CCBE1: variants seen among roughly 807,000 people sequenced by gnomAD.
CCBE1 encodes the protein collagen and calcium-binding EGF domain-containing protein 1.
A neutral mutation model predicts 50.0 loss-of-function variants in CCBE1; 37 were observed. The ratio of observed to expected loss-of-function variants is 0.74; its 90% CI spans 0.57 to 0.97. The LOEUF is 0.97. Ranked by LOEUF, CCBE1 falls within the 50% of genes least tolerant of loss-of-function variation. The pLI is 0.00. For synonymous variants in CCBE1, 234 were observed against 203.7 expected (o/e 1.15, Z -1.27); for missense variants, 538 against 523.8 (o/e 1.03, Z -0.26).
intron 2 of CCBE1, among the ~76,000 whole-genome samples, chr18:59,670,641 C>T (rs1468202113): frequency 6.6e-6 from 1 of 152,164 alleles, no homozygotes; most frequent in Non-Finnish European, 1.5e-5. Context: ...CCAAGGAATC[C>T]ATTATCCTAA....
intron 2 of CCBE1, among the ~76,000 whole-genome samples, chr18:59,625,654 T>C (rs569998846): frequency 6.6e-6 from 1 of 152,268 alleles, no homozygotes; most frequent in African/African-American, 2.4e-5. Flanking sequence ...AACCAGCTGC[T>C]GGGACAGAGA....
At chr18:59,558,057 A>AT (rs2052680130) in intron 2 of CCBE1, among the ~76,000 whole-genome samples, 1 of 152,168 alleles carries the variant, frequency 6.6e-6, no homozygotes, top group East Asian at 1.9e-4. Flanking sequence ...ACTGCTTTCT[A>AT]TTTGGTGACT....
chr18:59,656,123 CATG>C (rs1267005972), intron 2 of CCBE1, among the ~76,000 whole-genome samples: 7 of 152,168 alleles, frequency 4.6e-5, no homozygotes, highest in Admixed American at 4.6e-4. Flanking sequence ...GCAAAAGCCT[CATG>C]ATTACTCCCA....
chr18:59,675,251 C>A (rs981315618), intron 2 of CCBE1, among the ~76,000 whole-genome samples: 4 of 152,162 alleles, frequency 2.6e-5, no homozygotes, highest in African/African-American at 9.7e-5. Flanking sequence ...GTGCATTATG[C>A]CCAGTTTGTA....
At chr18:59,681,079 G>A (rs1388115807) in intron 2 of CCBE1, among the ~76,000 whole-genome samples, 1 of 151,434 alleles carries the variant, frequency 6.6e-6, no homozygotes, top group Non-Finnish European at 1.5e-5. Flanking sequence ...AAAGCTGTTT[G>A]GTATCTTTTT....
chr18:59,685,730 G>T (rs116444364), intron 2 of CCBE1: 1 of 152,170 alleles, frequency 6.6e-6, no homozygotes, highest in South Asian at 2.1e-4. Flanking sequence ...ATTTCTATGC[G>T]CAGTCAAGGC....
intron 4 of CCBE1, 112 bp from the exon 5 acceptor site, chr18:59,467,003 G>A (rs140129733): frequency 1.4e-5 from 13 of 944,586 alleles, no homozygotes; most frequent in East Asian, 1.2e-4. Context: ...CACTTGGGCC[G>A]ACCTTGATCA....
At position 59,589,090 on chromosome 18, in the gene CCBE1, C is replaced by A. The variant is rs528928478; in HGVS notation, c.212+107539G>T. 3.0e-4 allele frequency among the ~76,000 whole-genome samples: 46 copies of A among 152,308 alleles called. 1 individual carries two copies. Among genetic ancestry groups the A allele is most frequent in the African/African-American group, 1.0e-3 (43 of 41,582 alleles). ...CGCATTAAAGCACAGCCATGCCCTT[C>A]CAGGAAGGTCTGGAACTCAACCCTT... On this transcript the variant is annotated intron_variant, in intron 2 of 10. Coordinates refer to ENST00000439986, the MANE Select transcript of CCBE1 (RefSeq NM_133459.4).
intron 2 of CCBE1, among the ~76,000 whole-genome samples, chr18:59,633,681 C>T (rs781442107): frequency 5.3e-5 from 8 of 151,268 alleles, no homozygotes; most frequent in South Asian, 2.1e-4. Flanking sequence ...GCCAACAGAA[C>T]GAAGCCAATC....
rs539980955 is a variant in CCBE1 at position 59,506,144 on chromosome 18, A to G, written c.213-25906T>C. On this transcript the variant is annotated intron_variant, in intron 2 of 10. Transcript: ENST00000439986. ...TTAGGATGGACCCTAAATCAATAAC[A>G]GTGTCTTTGTGAGAGACAAAGAAAG... 7.2e-5 allele frequency among the ~76,000 whole-genome samples: 11 copies of G among 152,368 alleles called. No homozygotes were observed. In the South Asian group the frequency reaches 2.3e-3, roughly 32 times the overall value.
intron 2 of CCBE1, among the ~76,000 whole-genome samples, chr18:59,544,893 A>G (rs1915621847): frequency 6.6e-6 from 1 of 152,234 alleles, no homozygotes; most frequent in African/African-American, 2.4e-5. Context: ...CATTTAGCAC[A>G]ATATCAGGTA....
intron 2 of CCBE1, among the ~76,000 whole-genome samples, chr18:59,550,998 C>CAAAA (rs555160847): frequency 2.4e-3 from 168 of 71,368 alleles, no homozygotes; most frequent in Non-Finnish European, 2.6e-3. Context: ...CAGCGAGACT[C>CAAAA]AAAAAAAAAA....
intron 7 of CCBE1, among the ~76,000 whole-genome samples, chr18:59,446,565 T>C (rs79597422): frequency 6.6e-6 from 1 of 151,862 alleles, no homozygotes; most frequent in African/African-American, 2.4e-5. Flanking sequence ...CAGGCTTGTG[T>C]TTGAAGAGTT....
Position 59,615,282 on chromosome 18 carries a change from C to A in CCBE1, c.212+81347G>T, listed in dbSNP as rs570013699. ...CATCTCTAGGGTCATCTCTTAGGAT[C>A]TGCAAGGCTGTTCAAAGCTTTACTT... is the stretch of plus-strand genomic sequence containing the variant. On this transcript the variant is annotated intron_variant, in intron 2 of 10. Transcript: ENST00000439986. Among the ~76,000 whole-genome samples the A allele has an allele frequency of 1.1e-4, 16 of 152,356 alleles. No individual in the cohort carries two copies. In the South Asian group the frequency reaches 3.1e-3, roughly 30 times the overall value.
At chr18:59,463,141 A>AC (rs902089076) in intron 5 of CCBE1, among the ~76,000 whole-genome samples, 3 of 152,214 alleles carry the variant, frequency 2.0e-5, no homozygotes, top group Non-Finnish European at 4.4e-5. Flanking sequence ...TTAGCAAGAG[A>AC]CTGCTAATTT....
chr18:59,454,062 T>G (rs1216917900), intron 6 of CCBE1, among the ~76,000 whole-genome samples: 2 of 152,200 alleles, frequency 1.3e-5, no homozygotes, highest in Non-Finnish European at 2.9e-5. Flanking sequence ...GGGCATAGAC[T>G]ATAATTTTCA....
chr18:59,643,758 G>A (rs570075646), intron 2 of CCBE1, among the ~76,000 whole-genome samples: 51 of 144,444 alleles, frequency 3.5e-4, no homozygotes, highest in African/African-American at 1.3e-3. Context: ...AGGGGTAGAC[G>A]TTGCAATGAG....
chr18:59,515,754 G>A (rs1914341902), intron 2 of CCBE1, among the ~76,000 whole-genome samples: 1 of 152,158 alleles, frequency 6.6e-6, no homozygotes, highest in Non-Finnish European at 1.5e-5. Context: ...TGAGGTGTCA[G>A]GCTACCTTGG....
Position 59,435,894 on chromosome 18 carries a change from G to A in CCBE1, c.*14C>T, listed in dbSNP as rs72958116. The A allele has an allele frequency of 0.012, 19,268 of 1,603,590 alleles. 161 individuals are homozygous for A. The highest frequency in any genetic ancestry group is 0.019 in the South Asian group (1,704 of 90,830). On this transcript the variant is annotated 3_prime_UTR_variant, in exon 11 of 11. Transcript: ENST00000439986. ...GATCTTTCTCTTCCTTTGGCGTGAC[G>A]GTGTTGGGATGTGCTATGGGTAGAA...
Sources: allele counts gnomAD v4.1 joint callset (sites outside exome capture counted in the v4.1 genomes callset), GRCh38; gene constraint gnomAD v4.1.1; transcripts MANE v1.5; gene names NCBI Gene and HGNC (gene_info 2026-07-23, HGNC 2026-07-21).